The following SEC23B variants were observed in gnomAD, a reference collection of about 807,000 sequenced individuals.
The protein encoded by SEC23B is SEC23 homolog B, COPII component.
Under a neutral mutation model 104.3 loss-of-function variants are expected in SEC23B, and 77 were observed. The observed-to-expected ratio is 0.74, with a 90% confidence interval of 0.61 to 0.89. SEC23B has a LOEUF of 0.89. Among genes scored for constraint, SEC23B ranks in the 40% least tolerant of loss-of-function variants. The pLI, the probability that SEC23B is intolerant of heterozygous loss-of-function variation, is 0.00. For missense variants in SEC23B, 885 were observed against 949.4 expected (o/e 0.93, Z 0.89); for synonymous variants, 338 against 332.5 (o/e 1.02, Z -0.18).
At chr20:18,545,011 GTAA>G (rs980494287) in intron 14 of SEC23B, among the ~76,000 whole-genome samples, 2 of 100,676 alleles carry the variant, frequency 2.0e-5, no homozygotes, top group African/African-American at 6.0e-5. Context: ...TTTTTTTAAT[GTAA>G]TAGTTTATTT....
At chr20:18,544,467 G>A (rs139741802) in intron 14 of SEC23B, among the ~76,000 whole-genome samples, 14 of 152,322 alleles carry the variant, frequency 9.2e-5, no homozygotes, top group African/African-American at 3.4e-4. Flanking sequence ...GGAAGGCAAG[G>A]CTTGCTGAGT....
At chr20:18,552,248 G>C (rs1364362450) in intron 17 of SEC23B, among the ~76,000 whole-genome samples, 1 of 152,164 alleles carries the variant, frequency 6.6e-6, no homozygotes, top group Non-Finnish European at 1.5e-5. Flanking sequence ...CAGTAACTTA[G>C]GAAGTGTTAG....
Position 18,551,166 on chromosome 20 carries a change from TCTTGG to T in SEC23B, c.1984_1988del (p.Leu662Ter). On this transcript the variant is annotated frameshift_variant, in exon 17 of 20. Coordinates refer to ENST00000650089, the MANE Select transcript of SEC23B (RefSeq NM_006363.6). LOFTEE classifies it high-confidence loss of function. ...ATACTTTCTTTCAAATTGTCATTTA[TCTTGG>T]TGAGGTAAGATGATATTATTAATTA... 1.3e-6 allele frequency: 2 copies of T among 1,562,866 alleles called. No homozygotes were observed. Among genetic ancestry groups the T allele is most frequent in the Non-Finnish European group, 1.8e-6 (2 of 1,138,400 alleles).
chr20:18,509,821 C>G (rs2059965804), intron 1 of SEC23B: 1 of 152,118 alleles, frequency 6.6e-6, no homozygotes, highest in Admixed American at 6.6e-5. Context: ...CTCCTGACCT[C>G]GTGATCCGCC....
In SEC23B at chr20:18,530,797, C is replaced by T. The variant is rs890679369; in HGVS notation, c.1227C>T (p.Asp409=). ...GAATGGCATTTGGTGCTACTTTGGA[C>T]GTAAAGGTACGGTAAACTTTTTTTT... The part of the protein sequence containing the change: ...DFRMAFGATL[D]VKTSRELKIA... Residue 409 remains aspartate (D), a synonymous_variant, in exon 10 of 20, where the codon GAC becomes GAT. Coordinates refer to ENST00000650089, the MANE Select transcript of SEC23B (RefSeq NM_006363.6). The T allele has an allele frequency of 3.7e-5, 59 of 1,601,450 alleles. No individual in the cohort carries two copies. The Admixed American group carries it at 7.5e-4, about 20-fold the overall frequency.
rs58809009 is a variant in SEC23B at position 18,546,903 on chromosome 20, G to GT, written c.1743+896dup. On this transcript the variant is annotated intron_variant, in intron 15 of 19. Coordinates refer to ENST00000650089, the MANE Select transcript of SEC23B (RefSeq NM_006363.6). ...AGTTGGTCTGGTGAAGTGGTTTGCA[G>GT]TTTTTTTTTTTTTTTTTTTTTTTTT... Among the ~76,000 whole-genome samples the GT allele has an allele frequency of 3.6e-3, 411 of 115,480 alleles. 8 individuals carry two copies. Among genetic ancestry groups the GT allele is most frequent in the African/African-American group, 0.013 (377 of 29,662 alleles). 75.8% of individuals were successfully genotyped at this position (115,480 alleles called of 152,430 possible). A position where few individuals can be genotyped will look rare whatever the true frequency, so the allele number is the denominator to read the frequency against.
rs542877290 is a variant in SEC23B at position 18,546,534 on chromosome 20, G to C, written c.1743+501G>C. On this transcript the variant is annotated intron_variant, in intron 15 of 19. Transcript: ENST00000650089. The stretch of plus-strand genomic sequence containing the variant: ...CCTTTGGAAGCCATTGGACAAGAGA[G>C]AGGAGCAGGAGAAGTAGATGAATTT... Among the ~76,000 whole-genome samples, 3 of 152,372 alleles carry C rather than the reference G, an allele frequency of 2.0e-5. No homozygotes were observed. The East Asian group carries it at 5.8e-4, about 29-fold the overall frequency.
chr20:18,530,014 T>C (rs1410175016), intron 9 of SEC23B, among the ~76,000 whole-genome samples: 1 of 152,154 alleles, frequency 6.6e-6, no homozygotes, highest in Admixed American at 6.5e-5. Flanking sequence ...TTAATACTCA[T>C]GAGTTGGAAA....
chr20:18,529,212 G>A (rs758814799), intron 9 of SEC23B, among the ~76,000 whole-genome samples: 3 of 152,220 alleles, frequency 2.0e-5, no homozygotes, highest in African/African-American at 7.2e-5. Flanking sequence ...CCCTGTGAAG[G>A]AATCTGATTT....
rs541365610 is a variant in SEC23B, at chr20:18,533,359, T to G, written c.1314+615T>G. Among the ~76,000 whole-genome samples, 7 of 152,340 alleles carry G rather than the reference T, an allele frequency of 4.6e-5. No individual in the cohort carries two copies. In the South Asian group the frequency reaches 1.0e-3, roughly 23 times the overall value. On this transcript the variant is annotated intron_variant, in intron 11 of 19. Transcript: ENST00000650089. Reference sequence around the variant, plus strand: ...ACCATTCGGTTTGGCAAGGCCTCTCTAAGGTGGTCCTGGGCTGGGGTTACA... The same window carrying G: ...ACCATTCGGTTTGGCAAGGCCTCTCGAAGGTGGTCCTGGGCTGGGGTTACA...
chr20:18,551,879 G>C (rs563507672), intron 17 of SEC23B, among the ~76,000 whole-genome samples: 1 of 152,204 alleles, frequency 6.6e-6, no homozygotes, highest in Non-Finnish European at 1.5e-5. Context: ...ACATACTGCT[G>C]TTCTTTCAGA....
At chr20:18,551,967 T>G (rs992272776) in intron 17 of SEC23B, among the ~76,000 whole-genome samples, 2 of 152,158 alleles carry the variant, frequency 1.3e-5, no homozygotes, top group African/African-American at 4.8e-5. Context: ...TGTGGATCCC[T>G]AGGATGGCTG....
intron 10 of SEC23B, among the ~76,000 whole-genome samples, chr20:18,531,017 C>T (rs759124476): frequency 6.6e-6 from 1 of 152,240 alleles, no homozygotes; most frequent in Non-Finnish European, 1.5e-5. Flanking sequence ...GCAACCTCCA[C>T]CTGCTGGACA....
At chr20:18,557,107 G>A (rs2060446915) in intron 19 of SEC23B, among the ~76,000 whole-genome samples, 1 of 152,194 alleles carries the variant, frequency 6.6e-6, no homozygotes, top group Non-Finnish European at 1.5e-5. Flanking sequence ...TATATATAAT[G>A]TAATTAATGA....
chr20:18,537,903 T>C (rs1440947974), intron 12 of SEC23B, among the ~76,000 whole-genome samples: 1 of 152,074 alleles, frequency 6.6e-6, no homozygotes, highest in African/African-American at 2.4e-5. Context: ...GGTTAGTAGT[T>C]GCTGAAGGCT....
intron 13 of SEC23B, 141 bp from the exon 14 acceptor site, chr20:18,542,878 G>A: frequency 9.9e-7 from 1 of 1,009,442 alleles, no homozygotes; most frequent in Non-Finnish European, 1.6e-6. Context: ...GGCTCAAGCA[G>A]TCCTGCCACC....
At chr20:18,514,445 A>T (rs1167708484) in intron 3 of SEC23B, among the ~76,000 whole-genome samples, 1 of 152,068 alleles carries the variant, frequency 6.6e-6, no homozygotes, top group Non-Finnish European at 1.5e-5. Context: ...TGGGGCTCGC[A>T]AGCTCAGTTG....
At chr20:18,537,432 C>T (rs966377226) in intron 12 of SEC23B, among the ~76,000 whole-genome samples, 1 of 151,756 alleles carries the variant, frequency 6.6e-6, no homozygotes, top group African/African-American at 2.4e-5. Flanking sequence ...GAGTTCATGT[C>T]CTTTGTAGGG....
At chr20:18,548,586 C>G (rs780532315) in intron 15 of SEC23B, 23 bp from the exon 16 acceptor site, 3 of 1,611,212 alleles carry the variant, frequency 1.9e-6, no homozygotes, top group Non-Finnish European at 2.5e-6. Context: ...ATGCATTTCT[C>G]TTTCCGTTCT....
Sources: gnomAD v4.1 joint callset for allele counts (sites outside exome capture counted in the v4.1 genomes callset) on GRCh38, gnomAD v4.1.1 for gene constraint, MANE v1.5 for transcripts, NCBI Gene and HGNC (gene_info 2026-07-23, HGNC 2026-07-21) for gene names.